MYO1E: variants seen among roughly 807,000 people sequenced by gnomAD.
MYO1E encodes the protein unconventional myosin-Ie.
A neutral mutation model predicts 151.1 loss-of-function variants in MYO1E; 68 were observed. The observed-to-expected ratio is 0.45, with a 90% CI of 0.37 to 0.55. MYO1E has a LOEUF of 0.55. Ranked by LOEUF, MYO1E falls within the 20% of genes least tolerant of loss-of-function variation. The pLI is 0.00. For synonymous variants in MYO1E, 601 were observed against 501.7 expected, an observed-to-expected ratio of 1.20 and a Z score of -2.64; for missense variants, 1,363 against 1,389.3, an observed-to-expected ratio of 0.98 and a Z score of 0.30.
At chr15:59,174,363 G>A in intron 19 of MYO1E, 123 bp from the exon 20 acceptor site, 1 of 746,322 alleles carries the variant, frequency 1.3e-6, no homozygotes, top group Admixed American at 2.0e-5. Context: ...CAGCTTCTCT[G>A]ATTCATGAAC....
At chr15:59,207,968 T>C in intron 14 of MYO1E, 1 of 1,614,100 alleles carries the variant, frequency 6.2e-7, no homozygotes, top group South Asian at 1.1e-5. Flanking sequence ...ATTCCTTGTA[T>C]CCTGGGAGAG....
At chr15:59,138,472 TC>T in intron 26 of MYO1E, 105 bp from the exon 27 acceptor site, 1 of 1,215,534 alleles carries the variant, frequency 8.2e-7, no homozygotes. Flanking sequence ...CAAGTTCAAA[TC>T]CAGCTCCATC....
intron 1 of MYO1E, among the ~76,000 whole-genome samples, chr15:59,342,324 T>C (rs578086763): frequency 2.0e-5 from 3 of 152,316 alleles, no homozygotes; most frequent in South Asian, 2.1e-4. Flanking sequence ...ATTCTGTGGG[T>C]TGTCTCTTCA....
intron 1 of MYO1E, among the ~76,000 whole-genome samples, chr15:59,311,269 C>T (rs1276331269): frequency 6.6e-6 from 1 of 151,966 alleles, no homozygotes. Context: ...AGGTTGAAAC[C>T]GTTCCACCTC....
intron 19 of MYO1E, among the ~76,000 whole-genome samples, chr15:59,175,031 C>T (rs1596352215): frequency 6.6e-6 from 1 of 152,132 alleles, no homozygotes; most frequent in African/African-American, 2.4e-5. Flanking sequence ...GGGCAGAAGT[C>T]ACCCTAGATG....
Position 59,195,579 on chromosome 15 carries a change from G to A in MYO1E, c.1699-12C>T, listed in dbSNP as rs1302667548. On this transcript the variant is annotated splice_polypyrimidine_tract_variant and intron_variant, in intron 16 of 27. Transcript: ENST00000288235. ...TCATTGGCTTGTTTCTAGAAAGGAA[G>A]AACAGTATCAGAATCATGGAACTTT... The A allele has an allele frequency of 3.1e-6, 5 of 1,600,818 alleles. No individual in the cohort carries two copies. The African/African-American group carries it at 4.0e-5, about 13-fold the overall frequency.
intron 4 of MYO1E, among the ~76,000 whole-genome samples, chr15:59,242,182 ATAT>A (rs1396292134): frequency 3.3e-5 from 5 of 152,226 alleles, no homozygotes; most frequent in Non-Finnish European, 5.9e-5. Context: ...AACAACTGAT[ATAT>A]TATTTACTTA....
chr15:59,353,802 A>G (rs922681631), intron 1 of MYO1E, among the ~76,000 whole-genome samples: 2 of 152,028 alleles, frequency 1.3e-5, no homozygotes, highest in Admixed American at 6.6e-5. Context: ...AAAGGTAAAG[A>G]AACCTCTACA....
At chr15:59,221,392 T>C (rs1283673530) in intron 9 of MYO1E, among the ~76,000 whole-genome samples, 1 of 151,886 alleles carries the variant, frequency 6.6e-6, no homozygotes, top group African/African-American at 2.4e-5. Context: ...GAAAAAGGAG[T>C]GGTTGTGTGT....
chr15:59,326,929 A>C (rs1329250357), intron 1 of MYO1E, among the ~76,000 whole-genome samples: 1 of 152,202 alleles, frequency 6.6e-6, no homozygotes, highest in African/African-American at 2.4e-5. Context: ...AAGGTTTTAT[A>C]AAACAGCAAG....
At chr15:59,165,214 T>C (rs1352161733) in intron 22 of MYO1E, among the ~76,000 whole-genome samples, 3 of 151,972 alleles carry the variant, frequency 2.0e-5, no homozygotes, top group Admixed American at 6.5e-5. Context: ...CACAGCACAA[T>C]TGGATAGGAA....
At chr15:59,346,642 G>T (rs1008936375) in intron 1 of MYO1E, among the ~76,000 whole-genome samples, 8 of 152,178 alleles carry the variant, frequency 5.3e-5, no homozygotes, top group Non-Finnish European at 1.0e-4. Context: ...AAATGGGGAA[G>T]ATGGCTGGGC....
chr15:59,336,693 T>G (rs2080730907), intron 1 of MYO1E, among the ~76,000 whole-genome samples: 2 of 152,152 alleles, frequency 1.3e-5, no homozygotes, highest in Non-Finnish European at 2.9e-5. Flanking sequence ...GATGGTTTGC[T>G]GCATCCATCA....
chr15:59,340,404 G>A (rs1292631659), intron 1 of MYO1E, among the ~76,000 whole-genome samples: 1 of 151,262 alleles, frequency 6.6e-6, no homozygotes, highest in Non-Finnish European at 1.5e-5. Context: ...TTCTATTTCC[G>A]TGATGTGCTG....
At chr15:59,270,650 T>G (rs1275116249) in intron 2 of MYO1E, among the ~76,000 whole-genome samples, 4 of 152,044 alleles carry the variant, frequency 2.6e-5, no homozygotes, top group African/African-American at 9.7e-5. Context: ...TTCACTTTTT[T>G]TTTTTGGAGA....
chr15:59,161,363 A>G, intron 23 of MYO1E, 133 bp from the exon 24 acceptor site: 1 of 1,021,664 alleles, frequency 9.8e-7, no homozygotes, highest in Admixed American at 2.6e-5. Context: ...CACCAGGAGC[A>G]GGGCCCTGAG....
intron 2 of MYO1E, 47 bp downstream of exon 2, chr15:59,272,259 C>T: frequency 1.2e-6 from 2 of 1,604,990 alleles, no homozygotes; most frequent in Non-Finnish European, 1.7e-6. Flanking sequence ...TAACTGTGGA[C>T]ACTGTAATAT....
intron 13 of MYO1E, among the ~76,000 whole-genome samples, chr15:59,209,449 G>T (rs1447949567): frequency 2.7e-5 from 4 of 146,718 alleles, no homozygotes; most frequent in African/African-American, 1.0e-4. Context: ...AGGCCGAGGG[G>T]GGTGGATCAC....
At chr15:59,284,157 A>C (rs1296568457) in intron 1 of MYO1E, among the ~76,000 whole-genome samples, 2 of 152,154 alleles carry the variant, frequency 1.3e-5, no homozygotes, top group Non-Finnish European at 2.9e-5. Flanking sequence ...GGGAGTGCCC[A>C]ATCTTTACTA....
Sources: gnomAD v4.1 joint callset for allele counts (sites outside exome capture counted in the v4.1 genomes callset) on GRCh38, gnomAD v4.1.1 for gene constraint, MANE v1.5 for transcripts, NCBI Gene and HGNC (gene_info 2026-07-23, HGNC 2026-07-21) for gene names.